Variants in PIK3R4 observed in about 807,000 individuals in gnomAD.
PIK3R4 encodes phosphoinositide-3-kinase regulatory subunit 4, also known as phosphoinositide 3-kinase regulatory subunit 4.
Under a neutral mutation model 136.5 loss-of-function variants are expected in PIK3R4, and 46 were observed. The ratio of observed to expected loss-of-function variants is 0.34; its 90% confidence interval spans 0.27 to 0.43. The LOEUF is 0.43. PIK3R4 is among the 20% of genes least tolerant of loss of function. PIK3R4 has a pLI of 1.00. For missense variants in PIK3R4, 1,331 were observed against 1,649.5 expected, an observed-to-expected ratio of 0.81 and a Z score of 3.35; for synonymous variants, 557 against 566.7, an observed-to-expected ratio of 0.98 and a Z score of 0.24.
At chr3:130,690,760 A>G in intron 13 of PIK3R4, 106 bp from the exon 14 acceptor site, 1 of 624,784 alleles carries the variant, frequency 1.6e-6, no homozygotes. Flanking sequence ...GGTCCATTTA[A>G]TCTCCCTGAT....
intron 9 of PIK3R4, among the ~76,000 whole-genome samples, chr3:130,715,187 G>A (rs566126706): frequency 2.7e-5 from 4 of 148,280 alleles, no homozygotes; most frequent in Admixed American, 6.8e-5. Context: ...GCAGCGGTGC[G>A]ATCTTTGCTC....
chr3:130,701,982 AT>A (rs1576454340), intron 13 of PIK3R4, among the ~76,000 whole-genome samples: 3 of 151,590 alleles, frequency 2.0e-5, no homozygotes, highest in Admixed American at 1.3e-4. Context: ...AAAAAAAAAA[AT>A]TTTTTTAATT....
At chr3:130,707,178 T>C in intron 10 of PIK3R4, 43 bp from the exon 11 acceptor site, 1 of 1,422,200 alleles carries the variant, frequency 7.0e-7, no homozygotes, top group Non-Finnish European at 9.6e-7. Context: ...AGGTAGCCTT[T>C]AAAACCATTA....
At chr3:130,689,556 A>G (rs2066505697) in intron 14 of PIK3R4, among the ~76,000 whole-genome samples, 1 of 152,244 alleles carries the variant, frequency 6.6e-6, no homozygotes, top group Admixed American at 6.5e-5. Flanking sequence ...ACAAAAGCCC[A>G]GGTGACCCAA....
chr3:130,715,574 T>C (rs2107612215), intron 9 of PIK3R4, among the ~76,000 whole-genome samples: 1 of 152,342 alleles, frequency 6.6e-6, no homozygotes, highest in East Asian at 1.9e-4. Flanking sequence ...GAAAAGTGTC[T>C]ATTCATATCC....
intron 2 of PIK3R4, among the ~76,000 whole-genome samples, chr3:130,743,729 C>T (rs1024790015): frequency 4.6e-5 from 7 of 152,170 alleles, no homozygotes; most frequent in Admixed American, 4.6e-4. Context: ...AATCTTAAGC[C>T]GGTCACAATC....
intron 13 of PIK3R4, among the ~76,000 whole-genome samples, chr3:130,700,623 G>T (rs767417810): frequency 3.9e-5 from 6 of 152,186 alleles, no homozygotes; most frequent in African/African-American, 1.4e-4. Context: ...TCATAATTCA[G>T]TAAGAAAATC....
chr3:130,715,685 AT>A (rs1371904110), intron 9 of PIK3R4, among the ~76,000 whole-genome samples: 1 of 151,514 alleles, frequency 6.6e-6, no homozygotes, highest in East Asian at 1.9e-4. Context: ...GATTTCAAAA[AT>A]TTTCTCCCAT....
At position 130,679,919 on chromosome 3, in the gene PIK3R4, T is replaced by C. The variant is rs549017712; in HGVS notation, c.3907-434A>G. The stretch of plus-strand genomic sequence containing the variant: ...GGTGAAACCCCGTCTCTACTAAAAA[T>C]ACAAAAATTAGCAGGGTGTGGTGGC... On this transcript the variant is annotated intron_variant, in intron 19 of 19. Coordinates refer to ENST00000356763, the MANE Select transcript of PIK3R4 (RefSeq NM_014602.3). Among the ~76,000 whole-genome samples, 630 of 151,936 alleles carry C rather than the reference T, an allele frequency of 4.1e-3. 1 individual carries two copies. Among genetic ancestry groups the C allele is most frequent in the African/African-American group, 0.014 (587 of 41,414 alleles).
intron 9 of PIK3R4, among the ~76,000 whole-genome samples, chr3:130,713,327 C>T (rs2066642879): frequency 2.0e-5 from 3 of 152,150 alleles, no homozygotes; most frequent in Admixed American, 2.0e-4. Flanking sequence ...ATTATTTGTT[C>T]CTCTTTTTCC....
chr3:130,734,022 G>T lies in PIK3R4; in HGVS notation c.976C>A (p.Pro326Thr). 6.2e-7 allele frequency: 1 copy of T among 1,614,120 alleles called. No individual in the cohort carries two copies. Among genetic ancestry groups the T allele is most frequent in the Non-Finnish European group, 8.5e-7 (1 of 1,179,986 alleles). The change falls in exon 4 of 20, where the codon CCC (proline) becomes ACC (threonine). Residue 326 changes from proline to threonine, a missense_variant. Pro to Thr is a conservative substitution (Grantham distance 38). Coordinates refer to ENST00000356763, the MANE Select transcript of PIK3R4 (RefSeq NM_014602.3). ...TCCTTGGCAAACTGGGCCATGTAGG[G>T]CTGAAGAAAAGTGTAAAATATTTCA... is the stretch of plus-strand genomic sequence containing the variant. Reference protein sequence around the residue: ...FPEIFYTFLQPYMAQFAKETF... With the variant: ...FPEIFYTFLQTYMAQFAKETF...
chr3:130,745,181 A>T lies in PIK3R4; in HGVS notation c.38T>A (p.Ile13Asn). ...TGAAAAATAACTCTCTACAGAAAGG[A>T]TCTGGGAGGGAGCAATGCCAGCAAG... Reference protein sequence around the residue: ...NQLAGIAPSQILSVESYFSDI... With the variant: ...NQLAGIAPSQNLSVESYFSDI... The change falls in exon 2 of 20, where the codon ATC becomes AAC. Residue 13 changes from isoleucine to asparagine, a missense_variant. By Grantham distance (149) the Ile-to-Asn change is moderately radical (BLOSUM62 -3). Around this residue, in one of 2 missense-constraint regions of PIK3R4, gnomAD observed 151 missense variants for 242.5 expected, o/e 0.62. Transcript: ENST00000356763. 6.2e-7 allele frequency: 1 copy of T among 1,607,946 alleles called. No homozygotes were observed. The highest frequency in any genetic ancestry group is 8.5e-7 in the Non-Finnish European group (1 of 1,179,138).
chr3:130,741,954 T>G (rs1215154433), intron 2 of PIK3R4, among the ~76,000 whole-genome samples: 1 of 152,180 alleles, frequency 6.6e-6, no homozygotes, highest in Non-Finnish European at 1.5e-5. Context: ...CAACTTTAAG[T>G]ACAACAACGT....
chr3:130,728,055 G>C (rs1386572106), intron 6 of PIK3R4, among the ~76,000 whole-genome samples: 1 of 151,904 alleles, frequency 6.6e-6, no homozygotes, highest in African/African-American at 2.4e-5. Flanking sequence ...CTTATTTTCT[G>C]ATTCTAAAAG....
chr3:130,741,184 T>C (rs527846721), intron 2 of PIK3R4, among the ~76,000 whole-genome samples: 4 of 152,204 alleles, frequency 2.6e-5, no homozygotes, highest in African/African-American at 9.6e-5. Context: ...TTAATTAGGG[T>C]TAAAGAGGTA....
intron 13 of PIK3R4, among the ~76,000 whole-genome samples, chr3:130,701,635 T>C (rs2066575298): frequency 6.6e-6 from 1 of 152,110 alleles, no homozygotes; most frequent in Non-Finnish European, 1.5e-5. Flanking sequence ...GGTCAAATTT[T>C]GCATCTTGAG....
intron 13 of PIK3R4, among the ~76,000 whole-genome samples, chr3:130,699,070 T>G (rs1226045043): frequency 2.0e-5 from 3 of 152,174 alleles, no homozygotes; most frequent in Admixed American, 6.5e-5. Context: ...TCTTTTCAGT[T>G]TCTTCCTGGG....
At chr3:130,715,213 TC>T (rs2066657236) in intron 9 of PIK3R4, among the ~76,000 whole-genome samples, 1 of 146,470 alleles carries the variant, frequency 6.8e-6, no homozygotes, top group Admixed American at 7.1e-5. Context: ...AACCTCTGCC[TC>T]CCAGGTTCAA....
chr3:130,698,628 T>C (rs748381461), intron 13 of PIK3R4, among the ~76,000 whole-genome samples: 1 of 152,226 alleles, frequency 6.6e-6, no homozygotes. Context: ...TTTTAGTTCT[T>C]TGCACATATT....
Sources: allele counts gnomAD v4.1 joint callset (sites outside exome capture counted in the v4.1 genomes callset), GRCh38; gene constraint gnomAD v4.1.1; regional missense constraint gnomAD v4.1.1; transcripts MANE v1.5; gene names NCBI Gene and HGNC (gene_info 2026-07-23, HGNC 2026-07-21).